ATG9B: variants seen among roughly 807,000 people sequenced by gnomAD.
The protein encoded by ATG9B is autophagy related 9B, also known as autophagy-related protein 9B.
ATG9B carries 92 observed loss-of-function variants against 92.9 expected under a neutral mutation model. The observed-to-expected ratio is 0.99, with a 90% CI of 0.84 to 1.18. ATG9B has a LOEUF of 1.18. Among genes scored for constraint, ATG9B ranks in the 50% most tolerant of loss-of-function variants. ATG9B has a pLI of 0.00. For missense variants in ATG9B, 1,344 were observed against 1,235.0 expected (o/e 1.09, Z -1.32); for synonymous variants, 599 against 551.4 (o/e 1.09, Z -1.21).
downstream of ATG9B, chr7:151,013,275 T>A: frequency 6.2e-7 from 1 of 1,613,850 alleles, no homozygotes; most frequent in Non-Finnish European, 8.5e-7. Flanking sequence ...CTGCCGATGC[T>A]CCCAACTTGA....
rs746230342 is a variant in ATG9B, at chr7:151,018,759, G to C, written c.1579C>G (p.Leu527Val). ...AAPPAPLRTL[L>V]ARQLVFFAGA... ...GCGAAGAAAACGAGCTGGCGGGCCA[G>C]CAGCGTGCGCAGGGGCGCGGGGGGC... Residue 527 changes from leucine (L) to valine (V), a missense_variant, in exon 6 of 14, where the codon CTG becomes GTG. By Grantham distance (32) the Leu-to-Val change is conservative. Coordinates refer to ENST00000639579, the MANE Select transcript of ATG9B (RefSeq NM_001317056.2). The surrounding 1 kb of genome is among the most constrained non-coding windows in gnomAD (Gnocchi z 4.7). 6.6e-7 allele frequency: 1 copy of C among 1,524,678 alleles called. No individual in the cohort carries two copies. Among genetic ancestry groups the C allele is most frequent in the African/African-American group, 1.4e-5 (1 of 69,764 alleles). 94.4% of individuals were successfully genotyped at this position (1,524,678 alleles called of 1,614,324 possible).
At position 151,018,397 on chromosome 7, in the gene ATG9B, A is replaced by G; in HGVS notation, c.1769T>C (p.Leu590Pro). Residue 590 changes from leucine to proline, a missense_variant, in exon 7 of 14, where the codon CTG becomes CCG. Leu to Pro is a moderately conservative substitution (Grantham distance 98). Coordinates refer to ENST00000639579, the MANE Select transcript of ATG9B (RefSeq NM_001317056.2). The surrounding 1 kb of genome is among the most constrained non-coding windows in gnomAD (Gnocchi z 4.7). ...GTGCATGTGGGCCAGGGCTGTCTGC[A>G]GCAGGAGCTGCGGCGCACGACCCTG... The part of the protein sequence containing the change: ...QCQGRAPQLL[L>P]QTALAHMHYL... 1 of 1,570,836 alleles carries G rather than the reference A, an allele frequency of 6.4e-7. No individual in the cohort carries two copies. The highest frequency in any genetic ancestry group is 8.6e-7 in the Non-Finnish European group (1 of 1,159,636).
rs1277091387 is a variant in ATG9B, at chr7:151,023,793, G to A, written c.551-63C>T. ...GATCAATTCTCCACGTTCTCAACCC[G>A]CTGCCAGAGGCCCAGCCTGGGATAA... is the stretch of plus-strand genomic sequence containing the variant. On this transcript the variant is annotated intron_variant, in intron 1 of 13. Transcript: ENST00000639579. 19 of 1,612,234 alleles carry A rather than the reference G, an allele frequency of 1.2e-5. 1 individual carries two copies. The highest frequency in any genetic ancestry group is 6.7e-5 in the Admixed American group (4 of 59,918).
Position 151,023,636 on chromosome 7 carries a change from C to T in ATG9B, c.594+51G>A, listed in dbSNP as rs752409995. 3.1e-6 allele frequency: 5 copies of T among 1,611,866 alleles called. No individual in the cohort carries two copies. The Admixed American group carries it at 8.3e-5, about 27-fold the overall frequency. ...GTCTCCCTGCCAAGAACAGTGCCAG[C>T]TCCAAGAGGACCTTCCCATGCCACC... On this transcript the variant is annotated intron_variant, in intron 2 of 13. Transcript: ENST00000639579.
rs913122039 is a variant in ATG9B at position 151,021,774 on chromosome 7, A to G, written c.822-445T>C. Among the ~76,000 whole-genome samples, 3 of 151,004 alleles carry G rather than the reference A, an allele frequency of 2.0e-5. No individual in the cohort carries two copies. The East Asian group carries it at 5.9e-4, about 30-fold the overall frequency. On this transcript the variant is annotated intron_variant, in intron 4 of 13. Coordinates refer to ENST00000639579, the MANE Select transcript of ATG9B (RefSeq NM_001317056.2). ...AAATGATTCTCCTGTCTCAGCCTCC[A>G]GGGTAGCTGGGACTACAGGCGCCCG...
intron 4 of ATG9B, among the ~76,000 whole-genome samples, chr7:151,021,798 C>T (rs573373503): frequency 2.5e-4 from 38 of 151,714 alleles, no homozygotes; most frequent in African/African-American, 7.7e-4. Context: ...TACAGGCGCC[C>T]GCCACCACAC....
intron 13 of ATG9B, 37 bp from the exon 14 acceptor site, chr7:151,015,750 G>T (rs950880985): frequency 8.6e-6 from 11 of 1,280,610 alleles, no homozygotes; most frequent in Middle Eastern, 2.4e-4. Context: ...GCAGTCCAGG[G>T]GTCTAGATTC....
chr7:151,018,747 G>A lies in ATG9B; in HGVS notation c.1591C>T (p.Leu531Phe). The stretch of plus-strand genomic sequence containing the variant: ...AAGAGTGCACCCGCGAAGAAAACGA[G>A]CTGGCGGGCCAGCAGCGTGCGCAGG... ...APLRTLLARQLVFFAGALFAA... is the reference protein window; with the variant it reads ...APLRTLLARQFVFFAGALFAA... The change falls in exon 6 of 14, where the codon CTC (leucine) becomes TTC (phenylalanine). Residue 531 changes from leucine to phenylalanine, a missense_variant. Leu to Phe is a conservative substitution (Grantham distance 22, BLOSUM62 0). Coordinates refer to ENST00000639579, the MANE Select transcript of ATG9B (RefSeq NM_001317056.2). This position sits in a 1 kb window ranked among gnomAD's most constrained non-coding sequence, Gnocchi z 4.7. The A allele has an allele frequency of 6.4e-7, 1 of 1,569,816 alleles. No individual in the cohort carries two copies. The highest frequency in any genetic ancestry group is 8.6e-7 in the Non-Finnish European group (1 of 1,163,306).
downstream of ATG9B, chr7:151,013,641 A>T: frequency 2.5e-5 from 33 of 1,314,090 alleles, no homozygotes; most frequent in Non-Finnish European, 3.4e-5. Flanking sequence ...GGAGACTTTC[A>T]CGTCCAGGGC....
At position 151,019,223 on chromosome 7, in the gene ATG9B, G is replaced by A. The variant is rs571324054; in HGVS notation, c.1115C>T (p.Ala372Val). The A allele has an allele frequency of 1.9e-6, 3 of 1,545,770 alleles. No homozygotes were observed. Among genetic ancestry groups the A allele is most frequent in the Non-Finnish European group, 1.7e-6 (2 of 1,151,080 alleles). Residue 372 changes from alanine to valine, a missense_variant, in exon 6 of 14, where the codon GCC becomes GTC. Ala to Val is a moderately conservative substitution (Grantham distance 64). Coordinates refer to ENST00000639579, the MANE Select transcript of ATG9B (RefSeq NM_001317056.2). The stretch of plus-strand genomic sequence containing the variant: ...GCGGGCCGGCAGCAGGCCTTTGTTG[G>A]CCAGCGCCACCTGGTAGTTGGTGTA... ...LRYTNYQVAL[A>V]NKGLLPARCP...
downstream of ATG9B, chr7:151,013,504 GCA>G: frequency 7.8e-7 from 1 of 1,274,384 alleles, no homozygotes; most frequent in Non-Finnish European, 1.1e-6. Context: ...AGCCACCCCT[GCA>G]CACTCTGGCC....
chr7:151,021,240 AAG>A lies in ATG9B; in HGVS notation c.909_910del (p.Phe304GlnfsTer160). On this transcript the variant is annotated frameshift_variant, in exon 5 of 14. Transcript: ENST00000639579. LOFTEE classifies it high-confidence loss of function. ...AAACACCTGGATGTCCCAGTAGCTG[AAG>A]AGGTTGCAGACTGAGCGAAGCAGTT... is the stretch of plus-strand genomic sequence containing the variant. The A allele has an allele frequency of 1.2e-6, 2 of 1,613,562 alleles. No homozygotes were observed. Among genetic ancestry groups the A allele is most frequent in the Non-Finnish European group, 1.7e-6 (2 of 1,179,936 alleles).
chr7:151,015,724 A>T lies in ATG9B; in HGVS notation c.*15-11T>A. Reference sequence around the variant, plus strand: ...CCGAAGCCAGGGTACCTGTGGGAGGAGACGGCTCTTGGCAAGCAGTCCAGG... The same window carrying T: ...CCGAAGCCAGGGTACCTGTGGGAGGTGACGGCTCTTGGCAAGCAGTCCAGG... On this transcript the variant is annotated splice_polypyrimidine_tract_variant and intron_variant, in intron 13 of 13. Transcript: ENST00000639579. 1 of 1,005,390 alleles carries T rather than the reference A, an allele frequency of 9.9e-7. No individual in the cohort carries two copies. Among genetic ancestry groups the T allele is most frequent in the Non-Finnish European group, 1.4e-6 (1 of 738,186 alleles). The allele number at this position is 1,005,390 out of a possible 1,614,324, so 62.3% of individuals were successfully genotyped here.
Position 151,018,638 on chromosome 7 carries a change from A to AC in ATG9B, c.1699dup (p.Val567GlyfsTer126). ...GTCGCACCTGGCGACGGTGGCGGTG[A>AC]CCCCGAGCGCGGTCATGGCGGTGAG... is the stretch of plus-strand genomic sequence containing the variant. On this transcript the variant is annotated frameshift_variant, in exon 6 of 14. Transcript: ENST00000639579. LOFTEE classifies it high-confidence loss of function. This position sits in a 1 kb window ranked among gnomAD's most constrained non-coding sequence, Gnocchi z 4.7. 1.2e-6 allele frequency: 2 copies of AC among 1,605,088 alleles called. No homozygotes were observed. Among genetic ancestry groups the AC allele is most frequent in the Non-Finnish European group, 1.7e-6 (2 of 1,178,366 alleles).
In ATG9B at chr7:151,015,905, G is replaced by A. The variant is rs1795459693; in HGVS notation, c.2766C>T (p.Cys922=). Residue 922 remains cysteine, a synonymous_variant, in exon 13 of 14, where the codon TGC becomes TGT. Transcript: ENST00000639579. Reference sequence around the variant, plus strand: ...ACCCTGAGGAGTCGTCTCAGTCAGTGCAAGAGGCCCGGTCAGGCTCCTTCT... The same window carrying A: ...ACCCTGAGGAGTCGTCTCAGTCAGTACAAGAGGCCCGGTCAGGCTCCTTCT... The part of the protein sequence containing the change: ...DTQKEPDRAS[C]TD 2 of 1,551,522 alleles carry A rather than the reference G, an allele frequency of 1.3e-6. No homozygotes were observed. Among genetic ancestry groups the A allele is most frequent in the Non-Finnish European group, 1.7e-6 (2 of 1,146,972 alleles).
chr7:151,023,563 A>G, intron 2 of ATG9B, 54 bp from the exon 3 acceptor site: 2 of 1,610,912 alleles, frequency 1.2e-6, no homozygotes, highest in South Asian at 1.1e-5. Context: ...TCCTGAGGAC[A>G]CCTCCCCTCA....
chr7:151,018,595 C>T lies in ATG9B; in HGVS notation c.1718+25G>A. 2 of 1,588,358 alleles carry T rather than the reference C, an allele frequency of 1.3e-6. No homozygotes were observed. Among genetic ancestry groups the T allele is most frequent in the Non-Finnish European group, 1.7e-6 (2 of 1,172,734 alleles). ...AGATCAGAGAAACCAACACACACCA[C>T]CACCCCGGGCATCTGCCGTCGCACC... is the stretch of plus-strand genomic sequence containing the variant. On this transcript the variant is annotated intron_variant, in intron 6 of 13. Transcript: ENST00000639579. This position sits in a 1 kb window ranked among gnomAD's most constrained non-coding sequence, Gnocchi z 4.7.
chr7:151,012,706 G>A (rs1795332699), downstream of ATG9B: 2 of 481,308 alleles, frequency 4.2e-6, no homozygotes, highest in Admixed American at 3.4e-5. Flanking sequence ...GAGGACAAAG[G>A]AAAATAGAAT....
intron 5 of ATG9B, among the ~76,000 whole-genome samples, chr7:151,020,625 G>A (rs996947928): frequency 6.6e-6 from 1 of 152,256 alleles, no homozygotes; most frequent in Non-Finnish European, 1.5e-5. Flanking sequence ...AGATACAGAG[G>A]AGGGAGGAGC....
Sources: allele counts gnomAD v4.1 joint callset (sites outside exome capture counted in the v4.1 genomes callset), GRCh38; gene constraint gnomAD v4.1.1; non-coding constraint Gnocchi (gnomAD v3.1); transcripts MANE v1.5; gene names NCBI Gene and HGNC (gene_info 2026-07-23, HGNC 2026-07-21).